The following DST variants were observed in gnomAD, a reference collection of about 807,000 sequenced individuals.
DST encodes dystonin.
Under a neutral mutation model 875.2 loss-of-function variants are expected in DST, and 253 were observed. That is an observed-to-expected ratio of 0.29 (90% CI 0.26 to 0.32). DST has a LOEUF of 0.32. DST is among the 10% of genes least tolerant of loss of function. The pLI is 1.00. For synonymous variants in DST, 3,124 were observed against 3,197.1 expected, an observed-to-expected ratio of 0.98 and a Z score of 0.77; for missense variants, 8,287 against 9,111.6, an observed-to-expected ratio of 0.91 and a Z score of 3.68.
At chr6:56,933,614 C>A (rs567771671) in intron 2 of DST, among the ~76,000 whole-genome samples, 1 of 152,246 alleles carries the variant, frequency 6.6e-6, no homozygotes, top group South Asian at 2.1e-4. Context: ...GATGTTTAAT[C>A]CTCATTTTTA....
chr6:56,875,719 G>T (rs759507564), intron 3 of DST, among the ~76,000 whole-genome samples: 16 of 152,142 alleles, frequency 1.1e-4, no homozygotes, highest in Admixed American at 2.0e-4. Flanking sequence ...AGGGCTGTCT[G>T]TGGCTACCCC....
Position 56,640,011 on chromosome 6 carries a change from T to G in DST, c.2537A>C (p.Glu846Ala), listed in dbSNP as rs1167520807. 2 of 1,614,096 alleles carry G rather than the reference T, an allele frequency of 1.2e-6. No homozygotes were observed. The highest frequency in any genetic ancestry group is 1.7e-6 in the Non-Finnish European group (2 of 1,179,972). ...ATTTTTATGATTTTCTAAATGGCTTTCAACACTTGGCAAATCTGAGCCCCA... is the reference window on the plus strand; with the variant it reads ...ATTTTTATGATTTTCTAAATGGCTTGCAACACTTGGCAAATCTGAGCCCCA... ...TEWGSDLPSV[E>A]SHLENHKNVH... is the part of the protein sequence containing the mutation. The change falls in exon 19 of 104, where the codon GAA (glutamate) becomes GCA (alanine). Residue 846 changes from glutamate (E) to alanine (A), a missense_variant. Physicochemically the swap from Glu to Ala is moderately radical, Grantham distance 107. This residue lies in a region of DST where 1,160 missense variants were observed against 1,424.3 expected (regional missense o/e 0.81). Coordinates refer to ENST00000680361, the MANE Select transcript of DST (RefSeq NM_001374736.1).
Position 56,609,111 on chromosome 6 carries a change from A to C in DST, c.5517T>G (p.Ser1839Arg), listed in dbSNP as rs2098522947. The change falls in exon 40 of 104, where the codon AGT becomes AGG. Residue 1839 changes from serine (S) to arginine (R), a missense_variant. Ser to Arg is a moderately radical substitution (Grantham distance 110). Transcript: ENST00000680361. ...CAGCAGAAATAATCTCCTTAGCTTT[A>C]CTTAGTTCTTTGAGTTGGCACAGAA... ...EQILCQLKELSKAKEIISAAS... is the reference protein window; with the variant it reads ...EQILCQLKELRKAKEIISAAS... 1 of 1,613,836 alleles carries C rather than the reference A, an allele frequency of 6.2e-7. No individual in the cohort carries two copies. The highest frequency in any genetic ancestry group is 2.2e-5 in the East Asian group (1 of 44,886).
At chr6:56,883,114 C>A (rs1035264332) in intron 3 of DST, among the ~76,000 whole-genome samples, 113 of 152,296 alleles carry the variant, frequency 7.4e-4, no homozygotes, top group African/African-American at 2.7e-3. Flanking sequence ...GTGATCCACC[C>A]ACCTTGGCCT....
At chr6:56,847,471 A>G (rs186409903) in intron 4 of DST, among the ~76,000 whole-genome samples, 19 of 152,356 alleles carry the variant, frequency 1.2e-4, no homozygotes, top group Admixed American at 1.2e-3. Flanking sequence ...CAACATAAAT[A>G]GTCCAGTTGC....
intron 2 of DST, among the ~76,000 whole-genome samples, chr6:56,907,239 G>T (rs1376612490): frequency 6.6e-6 from 1 of 152,028 alleles, no homozygotes; most frequent in African/African-American, 2.4e-5. Context: ...CAATCTAGTT[G>T]TATTAAATTC....
chr6:56,717,756 G>C (rs1319170326), intron 5 of DST, among the ~76,000 whole-genome samples: 1 of 151,822 alleles, frequency 6.6e-6, no homozygotes, highest in African/African-American at 2.4e-5. Flanking sequence ...CCCTATGATA[G>C]CACTCTCAAC....
At chr6:56,820,911 A>C (rs902453305) in intron 4 of DST, among the ~76,000 whole-genome samples, 6 of 152,206 alleles carry the variant, frequency 3.9e-5, no homozygotes, top group African/African-American at 1.4e-4. Flanking sequence ...CCTTTCAAAA[A>C]TGTGTCCCTA....
chr6:56,952,167 G>T (rs1306029260), intron 2 of DST, among the ~76,000 whole-genome samples: 1 of 152,096 alleles, frequency 6.6e-6, no homozygotes, highest in African/African-American at 2.4e-5. Context: ...GTGAGTTAAG[G>T]CATTAAACAA....
chr6:56,502,205 A>G (rs1463873137), intron 78 of DST, among the ~76,000 whole-genome samples: 3 of 152,092 alleles, frequency 2.0e-5, no homozygotes, highest in Non-Finnish European at 2.9e-5. Context: ...CTGACACAGA[A>G]TGCTATTCTC....
intron 9 of DST, among the ~76,000 whole-genome samples, chr6:56,679,222 A>T (rs1409169200): frequency 6.6e-6 from 1 of 152,012 alleles, no homozygotes; most frequent in Non-Finnish European, 1.5e-5. Flanking sequence ...TAAGTCCTTC[A>T]CATCTTTGTC....
intron 4 of DST, chr6:56,843,329 G>C: frequency 1.6e-6 from 2 of 1,220,076 alleles, no homozygotes; most frequent in Non-Finnish European, 1.0e-6. Context: ...CGCCAGGGCC[G>C]GCAAAGGAAA....
intron 36 of DST, chr6:56,620,020 A>G: frequency 6.2e-7 from 1 of 1,613,836 alleles, no homozygotes; most frequent in South Asian, 1.1e-5. Context: ...GTGTGATCGG[A>G]CACACTGGCA....
chr6:56,534,825 A>C (rs527622368), intron 63 of DST, among the ~76,000 whole-genome samples: 8 of 151,972 alleles, frequency 5.3e-5, no homozygotes, highest in African/African-American at 1.7e-4. Flanking sequence ...ATCACCATTC[A>C]TTTATTTACT....
intron 9 of DST, among the ~76,000 whole-genome samples, chr6:56,691,491 C>T (rs2099229044): frequency 6.6e-6 from 1 of 152,090 alleles, no homozygotes; most frequent in African/African-American, 2.4e-5. Flanking sequence ...ATACAATGAC[C>T]TTGCCAAGAA....
intron 37 of DST, among the ~76,000 whole-genome samples, chr6:56,613,286 G>C (rs1404747177): frequency 6.6e-6 from 1 of 152,088 alleles, no homozygotes; most frequent in East Asian, 1.9e-4. Flanking sequence ...CACATATATA[G>C]TATGTAAGAC....
chr6:56,466,050 G>T (rs1010931452), intron 99 of DST, 28 bp downstream of exon 99: 2 of 1,522,316 alleles, frequency 1.3e-6, no homozygotes, highest in Non-Finnish European at 1.8e-6. Context: ...ATACTTTCAT[G>T]ATGTTATCAT....
At chr6:56,856,159 A>G (rs1241602105) in intron 3 of DST, among the ~76,000 whole-genome samples, 1 of 152,240 alleles carries the variant, frequency 6.6e-6, no homozygotes, top group Non-Finnish European at 1.5e-5. Flanking sequence ...GGATAATTAC[A>G]TAATGCAACA....
intron 10 of DST, among the ~76,000 whole-genome samples, chr6:56,651,863 C>T (rs2152799617): frequency 6.6e-6 from 1 of 152,238 alleles, no homozygotes; most frequent in East Asian, 1.9e-4. Context: ...TTCACTGGTT[C>T]GTGTACATGT....
Sources: allele counts gnomAD v4.1 joint callset (sites outside exome capture counted in the v4.1 genomes callset), GRCh38; gene constraint gnomAD v4.1.1; regional missense constraint gnomAD v4.1.1; transcripts MANE v1.5; gene names NCBI Gene and HGNC (gene_info 2026-07-23, HGNC 2026-07-21).